Variants in IST1 observed in about 807,000 individuals in gnomAD.
IST1 encodes the protein IST1 homolog.
Under a neutral mutation model 37.0 loss-of-function variants are expected in IST1, and 23 were observed. The observed-to-expected ratio is 0.62, with a 90% confidence interval of 0.45 to 0.88. The LOEUF (loss-of-function observed/expected upper bound fraction) is 0.88. Ranked by LOEUF, IST1 falls within the 40% of genes least tolerant of loss-of-function variation. The pLI, the probability that IST1 is intolerant of heterozygous loss-of-function variation, is 0.00. For synonymous variants in IST1, 180 were observed against 161.7 expected, an observed-to-expected ratio of 1.11 and a Z score of -0.86; for missense variants, 488 against 445.4, an observed-to-expected ratio of 1.10 and a Z score of -0.86.
chr16:71,921,809 A>G, intron 6 of IST1: 1 of 224,304 alleles, frequency 4.5e-6, no homozygotes, highest in Non-Finnish European at 9.0e-6. Context: ...CTGATAGTGC[A>G]CAGAAAGCTG....
Position 71,927,978 on chromosome 16 carries a change from TTC to T in IST1, c.*169_*170del. 1.7e-6 allele frequency: 1 copy of T among 605,514 alleles called. No homozygotes were observed. Among genetic ancestry groups the T allele is most frequent in the South Asian group, 1.9e-5 (1 of 51,976 alleles). 37.5% of individuals were successfully genotyped at this position (605,514 alleles called of 1,614,324 possible). On this transcript the variant is annotated 3_prime_UTR_variant, in exon 10 of 10. Coordinates refer to ENST00000378799, the MANE Select transcript of IST1 (RefSeq NM_001270975.2). Reference sequence around the variant, plus strand: ...TCCTCCAGATTCTGCTGCTTTCCAGTTCTCTGTTGATCCTGAGACTAACAATT... The same window carrying T: ...TCCTCCAGATTCTGCTGCTTTCCAGTTCTGTTGATCCTGAGACTAACAATT...
intron 6 of IST1, among the ~76,000 whole-genome samples, chr16:71,921,933 C>G (rs532025361): frequency 6.6e-6 from 1 of 152,118 alleles, no homozygotes; most frequent in Non-Finnish European, 1.5e-5. Flanking sequence ...GTCAGGAGAT[C>G]GAGACCATCC....
intron 1 of IST1, among the ~76,000 whole-genome samples, chr16:71,904,108 G>A (rs952973935): frequency 1.3e-5 from 2 of 151,978 alleles, no homozygotes; most frequent in Admixed American, 1.3e-4. Flanking sequence ...CCCCTCCAAC[G>A]TTCTATTTGT....
At chr16:71,915,533 C>A in intron 1 of IST1, 93 bp from the exon 2 acceptor site, 1 of 730,590 alleles carries the variant, frequency 1.4e-6, no homozygotes, top group Non-Finnish European at 2.3e-6. Flanking sequence ...GAAAAACACT[C>A]TGTTTTTGTT....
rs113863986 is a variant in IST1, at chr16:71,918,536, C to T, written c.357+1402C>T. Among the ~76,000 whole-genome samples, 82 of 151,380 alleles carry T rather than the reference C, an allele frequency of 5.4e-4. 1 individual carries two copies. The highest frequency in any genetic ancestry group is 1.7e-3 in the African/African-American group (70 of 41,198). On this transcript the variant is annotated intron_variant, in intron 4 of 9. Coordinates refer to ENST00000378799, the MANE Select transcript of IST1 (RefSeq NM_001270975.2). ...GGTTGAAGCGATTCTTTTGCCTCAT[C>T]GTCCTTAGTAGCTGGGATTACAGGT... is the stretch of plus-strand genomic sequence containing the variant.
At chr16:71,924,606 C>T in intron 8 of IST1, 163 bp from the exon 9 acceptor site, 2 of 639,408 alleles carry the variant, frequency 3.1e-6, no homozygotes, top group Admixed American at 2.6e-5. Flanking sequence ...AGGAGTTCAA[C>T]ATAGTATCTA....
chr16:71,895,581 T>C lies in IST1; in HGVS notation c.-24T>C. On this transcript the variant is annotated 5_prime_UTR_variant, in exon 1 of 10. Coordinates refer to ENST00000378799, the MANE Select transcript of IST1 (RefSeq NM_001270975.2). The stretch of plus-strand genomic sequence containing the variant: ...GGTGTCTGCTGCGTTCACGGCAGGA[T>C]TCGGTTAGGTGAGTGTGGCATCCTC... 1.0e-6 allele frequency: 1 copy of C among 984,608 alleles called. No individual in the cohort carries two copies. Among genetic ancestry groups the C allele is most frequent in the Non-Finnish European group, 1.2e-6 (1 of 829,194 alleles). 61.0% of individuals were successfully genotyped at this position (984,608 alleles called of 1,614,324 possible). A position where few individuals can be genotyped will look rare whatever the true frequency, so the allele number is the denominator to read the frequency against.
chr16:71,916,841 A>G (rs1040195476), intron 3 of IST1, among the ~76,000 whole-genome samples, 199 bp downstream of exon 3: 2 of 152,138 alleles, frequency 1.3e-5, no homozygotes, highest in African/African-American at 4.8e-5. Context: ...CCATTTTCCG[A>G]GTTCATGGCC....
chr16:71,917,198 T>G, intron 4 of IST1, 64 bp downstream of exon 4: 3 of 955,848 alleles, frequency 3.1e-6, no homozygotes, highest in Non-Finnish European at 4.9e-6. Flanking sequence ...TTGGTTAATA[T>G]AAGTTACTTC....
In IST1 at chr16:71,922,785, G is replaced by A. The variant is rs1597255420; in HGVS notation, c.759+105G>A. 3.3e-6 allele frequency: 3 copies of A among 917,030 alleles called. No homozygotes were observed. In the East Asian group the frequency reaches 7.9e-5, roughly 24 times the overall value. The allele number at this position is 917,030 out of a possible 1,614,324, so 56.8% of individuals were successfully genotyped here. ...CATAGGTTGTCAGGAGCCATTAGCA[G>A]TAAGAACATTTGGTATTAGCTGGCA... On this transcript the variant is annotated intron_variant, in intron 7 of 9. Coordinates refer to ENST00000378799, the MANE Select transcript of IST1 (RefSeq NM_001270975.2).
chr16:71,915,327 G>A (rs1288442091), intron 1 of IST1, among the ~76,000 whole-genome samples: 2 of 152,098 alleles, frequency 1.3e-5, no homozygotes, highest in Admixed American at 1.3e-4. Flanking sequence ...TGCCTTTAAA[G>A]TAGATTTCAA....
At chr16:71,909,707 A>C (rs1003079511) in intron 1 of IST1, among the ~76,000 whole-genome samples, 1 of 152,146 alleles carries the variant, frequency 6.6e-6, no homozygotes, top group African/African-American at 2.4e-5. Flanking sequence ...TAACATGTTC[A>C]CTTCTAGGAT....
At position 71,927,641 on chromosome 16, in the gene IST1, C is replaced by T. The variant is rs755671247; in HGVS notation, c.929C>T (p.Ala310Val). 3.7e-6 allele frequency: 6 copies of T among 1,613,788 alleles called. No individual in the cohort carries two copies. In the Admixed American group the frequency reaches 8.3e-5, roughly 22 times the overall value. Reference protein sequence around the residue: ...VGPGPKPEASAKLPSRPADNY... With the variant: ...VGPGPKPEASVKLPSRPADNY... ...CCTGGACCCAAGCCAGAAGCCTCTG[C>T]AAAGCTTCCTTCCAGACCTGCAGAT... The change falls in exon 10 of 10, where the codon GCA (alanine) becomes GTA (valine). Residue 310 changes from alanine to valine, a missense_variant. This residue lies in a region of IST1 where 455 missense variants were observed against 386.2 expected (regional missense o/e 1.18). Coordinates refer to ENST00000378799, the MANE Select transcript of IST1 (RefSeq NM_001270975.2).
At chr16:71,926,422 C>T (rs2037745172) in intron 9 of IST1, among the ~76,000 whole-genome samples, 2 of 151,598 alleles carry the variant, frequency 1.3e-5, no homozygotes, top group East Asian at 3.9e-4. Flanking sequence ...CGGCTCATTG[C>T]AAGCTCCACC....
chr16:71,923,225 C>T, intron 7 of IST1, 63 bp from the exon 8 acceptor site: 1 of 894,968 alleles, frequency 1.1e-6, no homozygotes, highest in East Asian at 2.5e-5. Context: ...CCTTCCCATA[C>T]CCAAACCTTC....
In IST1 at chr16:71,930,969, G is replaced by T. The variant is rs374614763; in HGVS notation, c.*3156G>T. The T allele has an allele frequency of 7.2e-5, 11 of 152,256 alleles. No homozygotes were observed. Among genetic ancestry groups the T allele is most frequent in the African/African-American group, 2.6e-4 (11 of 41,540 alleles). The allele number at this position is 152,256 out of a possible 1,614,324, so 9.4% of individuals were successfully genotyped here. The stretch of plus-strand genomic sequence containing the variant: ...CAAACTGTTTTACCTACTTAAAAAT[G>T]ATTATTATAACAATTTCAGGTCAAC... On this transcript the variant is annotated 3_prime_UTR_variant, in exon 10 of 10. Coordinates refer to ENST00000378799, the MANE Select transcript of IST1 (RefSeq NM_001270975.2).
At position 71,924,751 on chromosome 16, in the gene IST1, A is replaced by G; in HGVS notation, c.853-18A>G. The G allele has an allele frequency of 6.3e-7, 1 of 1,595,728 alleles. No individual in the cohort carries two copies. On this transcript the variant is annotated intron_variant, in intron 8 of 9. Transcript: ENST00000378799. The stretch of plus-strand genomic sequence containing the variant: ...GACACTATTGCTGTCTCCTCTGGTA[A>G]CAATCTTTGTGTTTCAGGTAGATGA...
In IST1 at chr16:71,923,831, T is replaced by C. The variant is rs377322744; in HGVS notation, c.852+451T>C. Among the ~76,000 whole-genome samples the C allele has an allele frequency of 5.0e-4, 76 of 152,330 alleles. 1 individual carries two copies. The highest frequency in any genetic ancestry group is 1.7e-3 in the African/African-American group (69 of 41,572). On this transcript the variant is annotated intron_variant, in intron 8 of 9. Coordinates refer to ENST00000378799, the MANE Select transcript of IST1 (RefSeq NM_001270975.2). ...TCCAGTTACATGTCGGCCGACAGCA[T>C]TGATTTCACATTTTAGTATTCTAGT...
In IST1 at chr16:71,907,163, G is replaced by A. The variant is rs187755867; in HGVS notation, c.-15-8463G>A. ...TAATATGTTTTGCTAAATTTGGGAA[G>A]TTTTCAGGCAGTATTTTTTCTTTCT... is the stretch of plus-strand genomic sequence containing the variant. On this transcript the variant is annotated intron_variant, in intron 1 of 9. Coordinates refer to ENST00000378799, the MANE Select transcript of IST1 (RefSeq NM_001270975.2). Among the ~76,000 whole-genome samples the A allele has an allele frequency of 6.8e-5, 10 of 146,734 alleles. No homozygotes were observed. The East Asian group carries it at 1.8e-3, about 27-fold the overall frequency.
Sources: gnomAD v4.1 joint callset for allele counts (sites outside exome capture counted in the v4.1 genomes callset) on GRCh38, gnomAD v4.1.1 for gene constraint, gnomAD v4.1.1 regional missense constraint, MANE v1.5 for transcripts, NCBI Gene and HGNC (gene_info 2026-07-23, HGNC 2026-07-21) for gene names.